Variants in AKAP13 observed in about 807,000 individuals in gnomAD.
AKAP13 encodes A-kinase anchoring protein 13, also known as A-kinase anchor protein 13.
Under a neutral mutation model 264.5 loss-of-function variants are expected in AKAP13, and 80 were observed. The ratio of observed to expected loss-of-function variants is 0.30; its 90% CI spans 0.25 to 0.36. AKAP13 has a LOEUF of 0.36. Ranked by LOEUF, AKAP13 falls within the 10% of genes least tolerant of loss-of-function variation. The pLI is 1.00. For missense variants in AKAP13, 3,712 were observed against 3,435.2 expected, an observed-to-expected ratio of 1.08 and a Z score of -2.01; for synonymous variants, 1,380 against 1,250.2, an observed-to-expected ratio of 1.10 and a Z score of -2.19.
chr15:85,674,797 C>T (rs2084127826), intron 14 of AKAP13, among the ~76,000 whole-genome samples: 1 of 151,712 alleles, frequency 6.6e-6, no homozygotes, highest in Non-Finnish European at 1.5e-5. Flanking sequence ...TCTTCTCTAA[C>T]TATGATGGGA....
chr15:85,658,629 C>T, intron 12 of AKAP13, 39 bp downstream of exon 12: 1 of 1,563,186 alleles, frequency 6.4e-7, no homozygotes, highest in Non-Finnish European at 8.8e-7. Flanking sequence ...ACCATGTCAC[C>T]TCTGAGCATA....
intron 8 of AKAP13, among the ~76,000 whole-genome samples, chr15:85,629,315 C>G (rs1397428829): frequency 1.3e-5 from 2 of 152,054 alleles, no homozygotes; most frequent in African/African-American, 4.8e-5. Context: ...AACCTTGGGT[C>G]CTCTGTTTTG....
intron 10 of AKAP13, among the ~76,000 whole-genome samples, chr15:85,649,205 A>G (rs1385394841): frequency 6.6e-6 from 1 of 152,350 alleles, no homozygotes; most frequent in Non-Finnish European, 1.5e-5. Flanking sequence ...TCTTGAGGAA[A>G]TAGAGGCACT....
chr15:85,666,020 T>C lies in AKAP13; in HGVS notation c.4992+1265T>C, dbSNP rs149010049. Among the ~76,000 whole-genome samples, 24 of 152,356 alleles carry C rather than the reference T, an allele frequency of 1.6e-4. 1 individual carries two copies. The East Asian group carries it at 4.6e-3, about 29-fold the overall frequency. On this transcript the variant is annotated intron_variant, in intron 13 of 36. Coordinates refer to ENST00000394518, the MANE Select transcript of AKAP13 (RefSeq NM_007200.5). ...TGTGTCTTTATAGTAGCTTGATTTA[T>C]AATCCTTTGGGTATATACCCAGTAA...
intron 8 of AKAP13, among the ~76,000 whole-genome samples, chr15:85,632,973 C>A (rs966087874): frequency 6.6e-6 from 1 of 152,018 alleles, no homozygotes; most frequent in Admixed American, 6.5e-5. Flanking sequence ...TCAAGCGATT[C>A]TCCTGTCTCA....
chr15:85,397,590 G>C (rs967000050), intron 1 of AKAP13, among the ~76,000 whole-genome samples: 17 of 152,154 alleles, frequency 1.1e-4, no homozygotes, highest in African/African-American at 3.6e-4. Context: ...AACCATTATT[G>C]ATCTATTGGT....
At chr15:85,640,670 C>G (rs2082267337) in intron 9 of AKAP13, among the ~76,000 whole-genome samples, 1 of 152,146 alleles carries the variant, frequency 6.6e-6, no homozygotes, top group African/African-American at 2.4e-5. Flanking sequence ...CTAGAACCTT[C>G]TACTTAAACG....
At chr15:85,694,829 A>G (rs2085480968) in intron 17 of AKAP13, among the ~76,000 whole-genome samples, 1 of 152,264 alleles carries the variant, frequency 6.6e-6, no homozygotes, top group African/African-American at 2.4e-5. Context: ...TTCAGATGTT[A>G]TAGTGACGAA....
In AKAP13 at chr15:85,567,755, G is replaced by A. The variant is rs553014521; in HGVS notation, c.663-7376G>A. ...AGGCCAAGATTTTATTTGTTAACTG[G>A]CCAAAAAAAAGTGATAAAGAGAAAT... On this transcript the variant is annotated intron_variant, in intron 5 of 36. Transcript: ENST00000394518. Among the ~76,000 whole-genome samples, 284 of 151,774 alleles carry A rather than the reference G, an allele frequency of 1.9e-3. 2 individuals are homozygous for A. The highest frequency in any genetic ancestry group is 6.6e-3 in the African/African-American group (272 of 41,398).
intron 1 of AKAP13, among the ~76,000 whole-genome samples, chr15:85,441,632 T>C (rs2073657425): frequency 1.3e-5 from 2 of 152,204 alleles, no homozygotes; most frequent in Admixed American, 1.3e-4. Context: ...TATTTCATAG[T>C]TTATTTTGTA....
intron 1 of AKAP13, among the ~76,000 whole-genome samples, chr15:85,382,681 G>A (rs138624804): frequency 6.6e-6 from 1 of 152,286 alleles, no homozygotes; most frequent in African/African-American, 2.4e-5. Context: ...TTGACTAAAT[G>A]GTAACTGCAC....
At chr15:85,384,216 G>T (rs1306033545) in intron 1 of AKAP13, among the ~76,000 whole-genome samples, 1 of 152,170 alleles carries the variant, frequency 6.6e-6, no homozygotes, top group African/African-American at 2.4e-5. Context: ...CAGATTGAGG[G>T]TAAAAACATT....
intron 13 of AKAP13, among the ~76,000 whole-genome samples, chr15:85,669,341 G>A (rs2083788967): frequency 6.6e-6 from 1 of 152,226 alleles, no homozygotes; most frequent in Non-Finnish European, 1.5e-5. Context: ...AGTATTGTAT[G>A]TAGTTTGATA....
At chr15:85,662,375 A>C in intron 12 of AKAP13, 1 of 1,613,874 alleles carries the variant, frequency 6.2e-7, no homozygotes, top group Non-Finnish European at 8.5e-7. Context: ...TCTGTCTTTG[A>C]TGTCATCCCC....
At chr15:85,593,960 A>G (rs541725401) in intron 8 of AKAP13, among the ~76,000 whole-genome samples, 4 of 152,314 alleles carry the variant, frequency 2.6e-5, no homozygotes, top group Admixed American at 1.3e-4. Context: ...TAAATTTGGG[A>G]TATTGATGCC....
chr15:85,589,710 GAA>G (rs59703416), intron 8 of AKAP13, among the ~76,000 whole-genome samples: 7 of 99,870 alleles, frequency 7.0e-5, no homozygotes, highest in Non-Finnish European at 1.0e-4. Context: ...ACTCTGTCTT[GAA>G]AAAAAAAAAA....
chr15:85,578,888 C>T, intron 6 of AKAP13, 42 bp from the exon 7 acceptor site: 1 of 1,579,864 alleles, frequency 6.3e-7, no homozygotes, highest in Admixed American at 1.8e-5. Context: ...GACATCTTCT[C>T]CTACAGGCAG....
intron 1 of AKAP13, among the ~76,000 whole-genome samples, chr15:85,473,571 G>A (rs2075044463): frequency 6.6e-6 from 1 of 152,196 alleles, no homozygotes; most frequent in African/African-American, 2.4e-5. Flanking sequence ...ATTAGTCATC[G>A]TTAGAAGATG....
chr15:85,579,075 C>T lies in AKAP13; in HGVS notation c.1007C>T (p.Thr336Ile). Residue 336 changes from threonine (T) to isoleucine (I), a missense_variant, in exon 7 of 37, where the codon ACT (threonine) becomes ATT (isoleucine). This residue lies in a region of AKAP13 where 2,759 missense variants were observed against 2,411.7 expected (regional missense o/e 1.14). Transcript: ENST00000394518. Reference sequence around the variant, plus strand: ...CAGCGACTTTCTTCTTCTGAAGAGACTGAGAGCACTCAGTGCTGCCCAGGG... The same window carrying T: ...CAGCGACTTTCTTCTTCTGAAGAGATTGAGAGCACTCAGTGCTGCCCAGGG... ...DPQRLSSSEE[T>I]ESTQCCPGSP... 6.2e-7 allele frequency: 1 copy of T among 1,614,156 alleles called. No individual in the cohort carries two copies.
Sources: gnomAD v4.1 joint callset for allele counts (sites outside exome capture counted in the v4.1 genomes callset) on GRCh38, gnomAD v4.1.1 for gene constraint, gnomAD v4.1.1 regional missense constraint, MANE v1.5 for transcripts, NCBI Gene and HGNC (gene_info 2026-07-23, HGNC 2026-07-21) for gene names.